The following GIPC1 variants were observed in gnomAD, a reference collection of about 807,000 sequenced individuals.
The protein encoded by GIPC1 is GIPC PDZ domain containing family member 1, also known as PDZ domain-containing protein GIPC1.
GIPC1 carries 15 observed loss-of-function variants against 28.5 expected under a neutral mutation model. The observed-to-expected ratio is 0.53, with a 90% CI of 0.35 to 0.81. The LOEUF is 0.81. GIPC1 is among the 30% of genes least tolerant of loss of function. The pLI, the probability that GIPC1 is intolerant of heterozygous loss-of-function variation, is 0.01. For synonymous variants in GIPC1, 224 were observed against 206.1 expected (o/e 1.09, Z -0.74); for missense variants, 439 against 481.9 (o/e 0.91, Z 0.83).
At position 14,478,320 on chromosome 19, in the gene GIPC1, G is replaced by A. The variant is rs1326171450; in HGVS notation, c.*96C>T. On this transcript the variant is annotated 3_prime_UTR_variant, in exon 9 of 9. Coordinates refer to ENST00000393033, the MANE Select transcript of GIPC1 (RefSeq NM_005716.4). The surrounding 1 kb of genome is among the most constrained non-coding windows in gnomAD (Gnocchi z 5.2). ...CATCGTCCTTGGGCTGCTGAGCTAG[G>A]CTCAGGCTGGAGGCTCGGGTCCTGA... 2.8e-5 allele frequency: 36 copies of A among 1,296,182 alleles called. No homozygotes were observed. The South Asian group carries it at 3.4e-4, about 12-fold the overall frequency. 80.3% of individuals were successfully genotyped at this position (1,296,182 alleles called of 1,614,324 possible). A position where few individuals can be genotyped will look rare whatever the true frequency, so the allele number is the denominator to read the frequency against.
Position 14,478,389 on chromosome 19 carries a change from T to C in GIPC1, c.*27A>G. On this transcript the variant is annotated 3_prime_UTR_variant, in exon 9 of 9. Coordinates refer to ENST00000393033, the MANE Select transcript of GIPC1 (RefSeq NM_005716.4). This position sits in a 1 kb window ranked among gnomAD's most constrained non-coding sequence, Gnocchi z 5.2. ...GGGCCCCCACCAGGTTGCGCCCGGGTCATCATCGCAGGGTCCGGGGGCAGT... is the reference window on the plus strand; with the variant it reads ...GGGCCCCCACCAGGTTGCGCCCGGGCCATCATCGCAGGGTCCGGGGGCAGT... The C allele has an allele frequency of 1.9e-6, 3 of 1,578,220 alleles. No homozygotes were observed. The highest frequency in any genetic ancestry group is 2.6e-6 in the Non-Finnish European group (3 of 1,160,586).
At chr19:14,483,753 A>G (rs1354026779) in intron 3 of GIPC1, among the ~76,000 whole-genome samples, 3 of 12,596 alleles carry the variant, frequency 2.4e-4, no homozygotes, top group African/African-American at 1.3e-3. Context: ...TGTCTCAATA[A>G]TAATAATAAT....
intron 6 of GIPC1, 191 bp downstream of exon 6, chr19:14,480,114 C>A: frequency 1.7e-6 from 1 of 603,478 alleles, no homozygotes; most frequent in Admixed American, 2.9e-5. Context: ...CTCGCCCCCG[C>A]CCTTCTCCCA....
chr19:14,494,118 C>A (rs2072027449), intron 1 of GIPC1, among the ~76,000 whole-genome samples: 1 of 152,180 alleles, frequency 6.6e-6, no homozygotes, highest in Non-Finnish European at 1.5e-5. Context: ...CGCCACCACA[C>A]CCAGCTAATT....
chr19:14,479,449 C>A lies in GIPC1; in HGVS notation c.731G>T (p.Arg244Leu). ...PQLGTGRGTL[R>L]LRSRGPATVE... ...CGTGGCGGGGCCCCGGGATCGGAGCCGCAGGGTCCCTCGGCCAGTGCCCAG... is the reference window on the plus strand; with the variant it reads ...CGTGGCGGGGCCCCGGGATCGGAGCAGCAGGGTCCCTCGGCCAGTGCCCAG... The change falls in exon 7 of 9, where the codon CGG becomes CTG. Residue 244 changes from arginine to leucine, a missense_variant. Coordinates refer to ENST00000393033, the MANE Select transcript of GIPC1 (RefSeq NM_005716.4). 7.0e-7 allele frequency: 1 copy of A among 1,431,332 alleles called. No homozygotes were observed. The highest frequency in any genetic ancestry group is 2.9e-5 in the East Asian group (1 of 34,542). The allele number at this position is 1,431,332 out of a possible 1,614,324, so 88.7% of individuals were successfully genotyped here.
rs201729538 is a variant in GIPC1 at position 14,484,746 on chromosome 19, GAAAACAA to G, written c.-30-1747_-30-1741del. Among the ~76,000 whole-genome samples the G allele has an allele frequency of 3.3e-3, 502 of 151,842 alleles. 3 individuals carry two copies. Among genetic ancestry groups the G allele is most frequent in the African/African-American group, 0.011 (451 of 41,426 alleles). On this transcript the variant is annotated intron_variant, in intron 3 of 8. Transcript: ENST00000393033. Reference sequence around the variant, plus strand: ...AGAATGACACTCCATCTCAAAAACAGAAAACAAAAAACAAAAAACAAAAAACACTTTT... The same window carrying G: ...AGAATGACACTCCATCTCAAAAACAGAAAACAAAAAACAAAAAACACTTTT...
chr19:14,481,257 C>A (rs1280593406), intron 4 of GIPC1, among the ~76,000 whole-genome samples: 1 of 152,116 alleles, frequency 6.6e-6, no homozygotes, highest in Non-Finnish European at 1.5e-5. Context: ...CAGACACGTG[C>A]CACCACACCC....
intron 4 of GIPC1, 93 bp downstream of exon 4, chr19:14,482,596 T>C: frequency 7.8e-7 from 1 of 1,278,452 alleles, no homozygotes; most frequent in Non-Finnish European, 1.1e-6. Context: ...CATCTGCAGC[T>C]TCAGCATCTG....
intron 2 of GIPC1, 33 bp downstream of exon 2, chr19:14,492,824 G>A (rs943607746): frequency 1.3e-5 from 2 of 152,294 alleles, no homozygotes; most frequent in African/African-American, 4.8e-5. Flanking sequence ...GAGGCTTCGT[G>A]GCCTGGGTTC....
intron 3 of GIPC1, chr19:14,489,562 A>G: frequency 1.0e-6 from 1 of 978,038 alleles, no homozygotes; most frequent in Non-Finnish European, 1.7e-6. Context: ...AAATATTGGA[A>G]TGGTGGAAAT....
rs566762995 is a variant in GIPC1 at position 14,494,950 on chromosome 19, G to T, written c.-175+1087C>A. Among the ~76,000 whole-genome samples the T allele has an allele frequency of 8.5e-5, 13 of 152,272 alleles. No homozygotes were observed. In the South Asian group the frequency reaches 2.5e-3, roughly 29 times the overall value. On this transcript the variant is annotated intron_variant, in intron 1 of 8. Transcript: ENST00000393033. Reference sequence around the variant, plus strand: ...GTGGCCAGCAGGAGGAGGGGAAGGGGGTTCCTGGGAGCACACAGAAGCTAG... The same window carrying T: ...GTGGCCAGCAGGAGGAGGGGAAGGGTGTTCCTGGGAGCACACAGAAGCTAG...
chr19:14,485,702 T>TAGAGAGAGAGAGAGAG (rs747570310), intron 3 of GIPC1, among the ~76,000 whole-genome samples: 2 of 58,794 alleles, frequency 3.4e-5, no homozygotes, highest in African/African-American at 5.7e-5. Context: ...TATATATATA[T>TAGAGAGAGAGAGAGAG]AGAGAGAGAG....
At chr19:14,479,725 G>A in intron 6 of GIPC1, 1 of 433,240 alleles carries the variant, frequency 2.3e-6, no homozygotes. Flanking sequence ...AGAGCAGGGG[G>A]AACAGCTGGG....
At chr19:14,481,319 G>A (rs1251894407) in intron 4 of GIPC1, among the ~76,000 whole-genome samples, 1 of 151,966 alleles carries the variant, frequency 6.6e-6, no homozygotes, top group Non-Finnish European at 1.5e-5. Flanking sequence ...ATGTTGCCCA[G>A]GCTGGCCTGG....
chr19:14,485,702 T>TATATAGAGAGAG (rs1300117748), intron 3 of GIPC1, among the ~76,000 whole-genome samples: 28 of 58,776 alleles, frequency 4.8e-4, no homozygotes, highest in Non-Finnish European at 5.5e-4. Context: ...TATATATATA[T>TATATAGAGAGAG]AGAGAGAGAG....
chr19:14,496,041 T>TCCTCCGCCGCCGCCG lies in GIPC1; in HGVS notation c.-180_-179insCGGCGGCGGCGGAGG, dbSNP rs1555723645. The TCCTCCGCCGCCGCCG allele has an allele frequency of 9.0e-6, 2 of 221,694 alleles. No individual in the cohort carries two copies. Among genetic ancestry groups the TCCTCCGCCGCCGCCG allele is most frequent in the East Asian group, 1.2e-4 (1 of 8,076 alleles). The allele number at this position is 221,694 out of a possible 1,614,324, so 13.7% of individuals were successfully genotyped here. A position where few individuals can be genotyped will look rare whatever the true frequency, so the allele number is the denominator to read the frequency against. ...CTTCTCGCAGAGGCCACTCACCTGC[T>TCCTCCGCCGCCGCCG]CCGCCGCCGCCGCCGCCGCCGCCGC... On this transcript the variant is annotated 5_prime_UTR_variant, in exon 1 of 9. Coordinates refer to ENST00000393033, the MANE Select transcript of GIPC1 (RefSeq NM_005716.4).
At chr19:14,487,617 G>A (rs568022512) in intron 3 of GIPC1, among the ~76,000 whole-genome samples, 9 of 151,920 alleles carry the variant, frequency 5.9e-5, no homozygotes, top group African/African-American at 1.7e-4. Flanking sequence ...TGGACAGTCC[G>A]GAAGAGGAAA....
At position 14,496,064 on chromosome 19, in the gene GIPC1, C is replaced by CGCCGCT; in HGVS notation, c.-203_-202insAGCGGC. ...GCTCCGCCGCCGCCGCCGCCGCCGC[C>CGCCGCT]GCCGCCGCCGCTGCCTCCGCCTCCC... On this transcript the variant is annotated 5_prime_UTR_variant, in exon 1 of 9. Transcript: ENST00000393033. The CGCCGCT allele has an allele frequency of 4.0e-6, 1 of 251,480 alleles. No individual in the cohort carries two copies. Among genetic ancestry groups the CGCCGCT allele is most frequent in the Non-Finnish European group, 7.5e-6 (1 of 132,788 alleles). The allele number at this position is 251,480 out of a possible 1,614,324, so 15.6% of individuals were successfully genotyped here. A position where few individuals can be genotyped will look rare whatever the true frequency, so the allele number is the denominator to read the frequency against.
intron 3 of GIPC1, among the ~76,000 whole-genome samples, chr19:14,485,427 G>A (rs774549867): frequency 2.0e-5 from 3 of 151,310 alleles, no homozygotes; most frequent in Admixed American, 6.6e-5. Context: ...GCTGTGAGCA[G>A]AACACTTGAG....
Sources: gnomAD v4.1 joint callset for allele counts (sites outside exome capture counted in the v4.1 genomes callset) on GRCh38, gnomAD v4.1.1 for gene constraint, Gnocchi (gnomAD v3.1) non-coding constraint, MANE v1.5 for transcripts, NCBI Gene and HGNC (gene_info 2026-07-23, HGNC 2026-07-21) for gene names.